CXCL17: variants seen among roughly 807,000 people sequenced by gnomAD.
CXCL17 encodes the protein C-X-C motif chemokine 17.
Under a neutral mutation model 15.5 loss-of-function variants are expected in CXCL17, and 9 were observed. The observed-to-expected ratio is 0.58, with a 90% CI of 0.35 to 1.01. The LOEUF (loss-of-function observed/expected upper bound fraction) is 1.01, where lower values mean the gene tolerates loss of function less well. Ranked by LOEUF, CXCL17 falls within the 50% of genes least tolerant of loss-of-function variation. The pLI is 0.02. For missense variants in CXCL17, 133 were observed against 138.2 expected (o/e 0.96, Z 0.19); for synonymous variants, 52 against 52.3 (o/e 0.99, Z 0.02).
intron 2 of CXCL17, 148 bp from the exon 3 acceptor site, chr19:42,433,225 A>G (rs193151510): frequency 6.6e-6 from 4 of 605,966 alleles, no homozygotes; most frequent in Non-Finnish European, 1.2e-5. Flanking sequence ...GTGTCCATCC[A>G]GCTATTTGAA....
At chr19:42,433,667 A>G in intron 2 of CXCL17, 109 bp downstream of exon 2, 11 of 879,524 alleles carry the variant, frequency 1.3e-5, no homozygotes, top group Non-Finnish European at 2.1e-5. Flanking sequence ...TGGAGAGGGG[A>G]ATGGGTGAGG....
At chr19:42,438,403 TATA>T (rs1568622674) in intron 1 of CXCL17, among the ~76,000 whole-genome samples, 1 of 95,644 alleles carries the variant, frequency 1.0e-5, no homozygotes, top group Non-Finnish European at 1.9e-5. Flanking sequence ...TATATATATA[TATA>T]AAATACACAC....
intron 1 of CXCL17, among the ~76,000 whole-genome samples, chr19:42,439,253 C>CAAAAAAAAAA (rs58768697): frequency 6.5e-5 from 5 of 77,470 alleles, no homozygotes; most frequent in African/African-American, 1.3e-4. Flanking sequence ...GACTCTATCT[C>CAAAAAAAAAA]AAAAAAAAAA....
intron 3 of CXCL17, 121 bp from the exon 4 acceptor site, chr19:42,429,102 A>C: frequency 1.4e-6 from 1 of 699,536 alleles, no homozygotes; most frequent in Non-Finnish European, 2.5e-6. Context: ...ATCTCAACTC[A>C]CTGCAACCTC....
chr19:42,438,709 A>C (rs2040862395), intron 1 of CXCL17, among the ~76,000 whole-genome samples: 1 of 152,048 alleles, frequency 6.6e-6, no homozygotes, highest in Non-Finnish European at 1.5e-5. Context: ...TTCCAGGAAA[A>C]ATAGCTGATC....
At chr19:42,429,278 C>G (rs879365055) in intron 3 of CXCL17, among the ~76,000 whole-genome samples, 1 of 149,470 alleles carries the variant, frequency 6.7e-6, no homozygotes, top group South Asian at 2.1e-4. Flanking sequence ...CCACCCACCT[C>G]GGCCTCCCAA....
chr19:42,429,867 C>T (rs566246604), intron 3 of CXCL17, among the ~76,000 whole-genome samples: 6 of 152,204 alleles, frequency 3.9e-5, no homozygotes, highest in Admixed American at 2.0e-4. Flanking sequence ...TTGCCTTAGT[C>T]GGCACCTTTA....
At chr19:42,441,582 A>G (rs891405173) in intron 1 of CXCL17, among the ~76,000 whole-genome samples, 3 of 152,246 alleles carry the variant, frequency 2.0e-5, no homozygotes, top group East Asian at 1.9e-4. Flanking sequence ...CCCTAGGGCT[A>G]TGGGGCTTAA....
chr19:42,433,804 C>T lies in CXCL17; in HGVS notation c.132G>A (p.Gln44=). ...TGCACTCACATTCTTGGCCGCCTTCCTGGAGCCATCTCCTAGAAGCCTGGC... is the reference window on the plus strand; with the variant it reads ...TGCACTCACATTCTTGGCCGCCTTCTTGGAGCCATCTCCTAGAAGCCTGGC... The part of the protein sequence containing the change: ...DRGQASRRWL[Q]EGGQECECKD... The change falls in exon 2 of 4, where the codon CAG becomes CAA. Residue 44 remains glutamine (Q), a synonymous_variant. Coordinates refer to ENST00000601181, the MANE Select transcript of CXCL17 (RefSeq NM_198477.3). The T allele has an allele frequency of 1.9e-6, 3 of 1,614,098 alleles. No individual in the cohort carries two copies. Among genetic ancestry groups the T allele is most frequent in the Admixed American group, 1.7e-5 (1 of 60,020 alleles).
At chr19:42,434,223 C>G (rs1297886585) in intron 1 of CXCL17, among the ~76,000 whole-genome samples, 1 of 151,950 alleles carries the variant, frequency 6.6e-6, no homozygotes, top group Non-Finnish European at 1.5e-5. Flanking sequence ...AAAAATCTGG[C>G]CTAGAGAAAA....
At chr19:42,442,642 G>A in intron 1 of CXCL17, 112 bp downstream of exon 1, 2 of 710,502 alleles carry the variant, frequency 2.8e-6, no homozygotes, top group South Asian at 1.8e-5. Flanking sequence ...CATTGAGAAA[G>A]GCTCACTTGC....
At chr19:42,430,982 T>A (rs966709225) in intron 3 of CXCL17, among the ~76,000 whole-genome samples, 1 of 152,170 alleles carries the variant, frequency 6.6e-6, no homozygotes, top group African/African-American at 2.4e-5. Context: ...GGATTACAGA[T>A]GTGCACCATC....
At chr19:42,431,658 C>G (rs867360308) in intron 3 of CXCL17, among the ~76,000 whole-genome samples, 2 of 150,608 alleles carry the variant, frequency 1.3e-5, no homozygotes, top group African/African-American at 2.4e-5. Context: ...CCAGCCAACA[C>G]ATAATGATTT....
In CXCL17 at chr19:42,432,932, C is replaced by T. The variant is rs192851558; in HGVS notation, c.262+44G>A. 1.5e-4 allele frequency: 218 copies of T among 1,441,186 alleles called. 1 individual carries two copies. Among genetic ancestry groups the T allele is most frequent in the Middle Eastern group, 7.4e-4 (4 of 5,376 alleles). The allele number at this position is 1,441,186 out of a possible 1,614,324, so 89.3% of individuals were successfully genotyped here. A position where few individuals can be genotyped will look rare whatever the true frequency, so the allele number is the denominator to read the frequency against. ...ACGTGCTTCTTCCCTAGTGATTTCA[C>T]GGAGTGACTCTGGTATAAGGAAAAT... On this transcript the variant is annotated intron_variant, in intron 3 of 3. Coordinates refer to ENST00000601181, the MANE Select transcript of CXCL17 (RefSeq NM_198477.3).
At position 42,433,014 on chromosome 19, in the gene CXCL17, C is replaced by T; in HGVS notation, c.224G>A (p.Cys75Tyr). ...MTVSGLPKKQ[C>Y]PCDHFKGNVK... is the part of the protein sequence containing the mutation. ...ATTGCCCTTGAAATGATCACAGGGGCACTGCTTCTTTGGCAGCCCAGACAC... is the reference window on the plus strand; with the variant it reads ...ATTGCCCTTGAAATGATCACAGGGGTACTGCTTCTTTGGCAGCCCAGACAC... The change falls in exon 3 of 4, where the codon TGC becomes TAC. Residue 75 changes from cysteine (C) to tyrosine (Y), a missense_variant. By Grantham distance (194) the Cys-to-Tyr change is radical (BLOSUM62 -2). Transcript: ENST00000601181. The T allele has an allele frequency of 6.2e-7, 1 of 1,614,104 alleles. No individual in the cohort carries two copies. The highest frequency in any genetic ancestry group is 8.5e-7 in the Non-Finnish European group (1 of 1,179,986).
At chr19:42,442,730 C>T (rs374154215) in intron 1 of CXCL17, 24 bp downstream of exon 1, 216 of 1,572,652 alleles carry the variant, frequency 1.4e-4, no homozygotes, top group Non-Finnish European at 1.8e-4. Context: ...CCCCGTTTTC[C>T]CCTTCATAGA....
At chr19:42,435,039 C>G (rs937706304) in intron 1 of CXCL17, among the ~76,000 whole-genome samples, 3 of 151,696 alleles carry the variant, frequency 2.0e-5, no homozygotes, top group African/African-American at 7.3e-5. Flanking sequence ...ATTAGGCGGG[C>G]GTGGTGGCGG....
intron 1 of CXCL17, among the ~76,000 whole-genome samples, chr19:42,440,506 T>C (rs751298240): frequency 1.3e-5 from 2 of 152,198 alleles, no homozygotes; most frequent in Non-Finnish European, 2.9e-5. Flanking sequence ...TGGTTTGTGA[T>C]GGCGCCCCCT....
In CXCL17 at chr19:42,432,989, A is replaced by G. The variant is rs750885660; in HGVS notation, c.249T>C (p.Asn83=). ...KQCPCDHFKG[N]VKKTRHQRHH... ...TTGGAAACTTACTTGTTTTCTTCAC[A>G]TTGCCCTTGAAATGATCACAGGGGC... is the stretch of plus-strand genomic sequence containing the variant. The change falls in exon 3 of 4, where the codon AAT becomes AAC. Residue 83 remains asparagine, a synonymous_variant. Coordinates refer to ENST00000601181, the MANE Select transcript of CXCL17 (RefSeq NM_198477.3). 7 of 1,613,512 alleles carry G rather than the reference A, an allele frequency of 4.3e-6. No individual in the cohort carries two copies. Among genetic ancestry groups the G allele is most frequent in the Non-Finnish European group, 2.5e-6 (3 of 1,179,520 alleles).
Sources: allele counts gnomAD v4.1 joint callset (sites outside exome capture counted in the v4.1 genomes callset), GRCh38; gene constraint gnomAD v4.1.1; transcripts MANE v1.5; gene names NCBI Gene and HGNC (gene_info 2026-07-23, HGNC 2026-07-21).